COL4A3: variants seen among roughly 807,000 people sequenced by gnomAD.
The protein encoded by COL4A3 is collagen alpha-3(IV) chain.
In COL4A3, 135 loss-of-function variants were observed where a neutral mutation model predicts 217.4. The ratio of observed to expected loss-of-function variants is 0.62; its 90% confidence interval spans 0.54 to 0.72. COL4A3 has a LOEUF of 0.72. COL4A3 is among the 30% of genes least tolerant of loss of function. The pLI, the probability that COL4A3 is intolerant of heterozygous loss-of-function variation, is 0.00. For synonymous variants in COL4A3, 690 were observed against 736.3 expected (o/e 0.94, Z 1.02); for missense variants, 1,868 against 2,119.9 (o/e 0.88, Z 2.33).
intron 1 of COL4A3, among the ~76,000 whole-genome samples, chr2:227,200,206 C>T (rs960727464): frequency 6.6e-6 from 1 of 152,186 alleles, no homozygotes; most frequent in African/African-American, 2.4e-5. Flanking sequence ...TGTATCTTTA[C>T]ATAGTGTGTA....
At position 227,309,197 on chromosome 2, in the gene COL4A3, G is replaced by A. The variant is rs1414656936; in HGVS notation, c.4641-7G>A. The A allele has an allele frequency of 6.2e-7, 1 of 1,614,098 alleles. No homozygotes were observed. Among genetic ancestry groups the A allele is most frequent in the East Asian group, 2.2e-5 (1 of 44,888 alleles). On this transcript the variant is annotated splice_region_variant and splice_polypyrimidine_tract_variant and intron_variant, in intron 49 of 51. Transcript: ENST00000396578. Reference sequence around the variant, plus strand: ...AATGCCGCCATAGTCTTTGTTTCATGTTACAGATGCACTGTTTGTGAAGGT... The same window carrying A: ...AATGCCGCCATAGTCTTTGTTTCATATTACAGATGCACTGTTTGTGAAGGT...
At chr2:227,262,633 T>C (rs2070658377) in intron 20 of COL4A3, among the ~76,000 whole-genome samples, 1 of 152,214 alleles carries the variant, frequency 6.6e-6, no homozygotes, top group South Asian at 2.1e-4. Flanking sequence ...CTAGGTATTT[T>C]ATTGTGTGTG....
At chr2:227,175,753 A>G (rs536339618) in intron 1 of COL4A3, among the ~76,000 whole-genome samples, 28 of 152,298 alleles carry the variant, frequency 1.8e-4, no homozygotes, top group African/African-American at 6.7e-4. Context: ...TCTATGGTAT[A>G]ATTTTAATGT....
intron 39 of COL4A3, 59 bp from the exon 40 acceptor site, chr2:227,294,905 T>C: frequency 7.3e-7 from 1 of 1,363,468 alleles, no homozygotes. Flanking sequence ...TGGCAAGAAA[T>C]AAATCCTCTT....
In COL4A3 at chr2:227,297,941, C is replaced by G. The variant is rs939785435; in HGVS notation, c.3751+82C>G. ...AGTTTTCAACCTCCTCCTCATGTTA[C>G]CTTGTTGCTTCTTCTTTCCCTGTGG... is the stretch of plus-strand genomic sequence containing the variant. On this transcript the variant is annotated intron_variant, in intron 42 of 51. Coordinates refer to ENST00000396578, the MANE Select transcript of COL4A3 (RefSeq NM_000091.5). 4 of 1,421,888 alleles carry G rather than the reference C, an allele frequency of 2.8e-6. No individual in the cohort carries two copies. The African/African-American group carries it at 5.7e-5, about 20-fold the overall frequency. 88.1% of individuals were successfully genotyped at this position (1,421,888 alleles called of 1,614,324 possible).
In COL4A3 at chr2:227,307,786, G is replaced by A. The variant is rs778174094; in HGVS notation, c.4329G>A (p.Thr1443=). ...GTGGATCACCTGCAACCTGGACAAC[G>A]AGAGGCTTTGTCTTCACCCGACACA... ...GDSGSPATWT[T]RGFVFTRHSQ... Residue 1443 remains threonine (T), a synonymous_variant, in exon 48 of 52, where the codon ACG becomes ACA. Coordinates refer to ENST00000396578, the MANE Select transcript of COL4A3 (RefSeq NM_000091.5). The A allele has an allele frequency of 2.4e-5, 39 of 1,614,124 alleles. 2 individuals are homozygous for A. The Middle Eastern group carries it at 8.2e-4, about 34-fold the overall frequency.
In COL4A3 at chr2:227,285,658, A is replaced by G. The variant is rs114902341; in HGVS notation, c.2881+1313A>G. 2.0e-3 allele frequency among the ~76,000 whole-genome samples: 304 copies of G among 152,370 alleles called. 2 individuals are homozygous for G. The highest frequency in any genetic ancestry group is 0.017 in the Middle Eastern group (5 of 294). On this transcript the variant is annotated intron_variant, in intron 34 of 51. Transcript: ENST00000396578. The stretch of plus-strand genomic sequence containing the variant: ...ATATGAATAGCATATCTCTGCCTAC[A>G]TAAGCAGAAATTTGGCGCTCACAGT...
In COL4A3 at chr2:227,197,677, C is replaced by T. The variant is rs185463589; in HGVS notation, c.87+32864C>T. On this transcript the variant is annotated intron_variant, in intron 1 of 51. Coordinates refer to ENST00000396578, the MANE Select transcript of COL4A3 (RefSeq NM_000091.5). ...GGTTACCAGAAAGCATTTGGGAAAA[C>T]TTCCAGTCATTTCTCACAACACATA... Among the ~76,000 whole-genome samples, 265 of 152,252 alleles carry T rather than the reference C, an allele frequency of 1.7e-3. 2 individuals carry two copies. Among genetic ancestry groups the T allele is most frequent in the Admixed American group, 9.7e-3 (148 of 15,292 alleles).
chr2:227,311,081 C>A, intron 51 of COL4A3, 133 bp downstream of exon 51: 1 of 804,176 alleles, frequency 1.2e-6, no homozygotes, highest in Non-Finnish European at 2.1e-6. Flanking sequence ...TGGGTTTTGT[C>A]ATCACTAAAC....
rs1475469085 is a variant in COL4A3 at position 227,303,057 on chromosome 2, G to C, written c.3902G>C (p.Gly1301Ala). Reference sequence around the variant, plus strand: ...ATATAGGGAGCACCAGGTACTCCAGGTCTTCCAGGACCCAGAGGTGATCCT... The same window carrying C: ...ATATAGGGAGCACCAGGTACTCCAGCTCTTCCAGGACCCAGAGGTGATCCT... ...PGRLGAPGTP[G>A]LPGPRGDPGF... is the part of the protein sequence containing the mutation. The change falls in exon 44 of 52, where the codon GGT becomes GCT. Residue 1301 changes from glycine (G) to alanine (A), a missense_variant. This residue lies in a region of COL4A3 where 1,503 missense variants were observed against 1,786.1 expected (regional missense o/e 0.84). Transcript: ENST00000396578. 1 of 1,613,920 alleles carries C rather than the reference G, an allele frequency of 6.2e-7. No homozygotes were observed. The highest frequency in any genetic ancestry group is 1.1e-5 in the South Asian group (1 of 91,072).
intron 1 of COL4A3, among the ~76,000 whole-genome samples, chr2:227,168,874 CTTTTTTTTCT>C (rs1394005869): frequency 6.6e-6 from 1 of 150,484 alleles, no homozygotes; most frequent in African/African-American, 2.4e-5. Context: ...TTCTTTCCTT[CTTTTTTTTCT>C]TTTTTTTATT....
chr2:227,293,102 T>G, intron 37 of COL4A3, 89 bp from the exon 38 acceptor site: 12 of 1,551,452 alleles, frequency 7.7e-6, no homozygotes, highest in Non-Finnish European at 1.1e-5. Context: ...GATGAATGAA[T>G]GAAAAAATTA....
At chr2:227,290,359 G>T (rs754702726) in intron 36 of COL4A3, among the ~76,000 whole-genome samples, 1 of 152,168 alleles carries the variant, frequency 6.6e-6, no homozygotes, top group Non-Finnish European at 1.5e-5. Flanking sequence ...AAATAGCTGG[G>T]TGTGGTGGCA....
chr2:227,205,710 A>ATTTTTTT (rs398105402), intron 1 of COL4A3, among the ~76,000 whole-genome samples: 5,684 of 149,552 alleles, frequency 0.038, 130 homozygotes, highest in Non-Finnish European at 0.046. Flanking sequence ...TTCAACAAAT[A>ATTTTTTT]TTTTTTTTTT....
chr2:227,174,171 G>T (rs2065591874), intron 1 of COL4A3, among the ~76,000 whole-genome samples: 1 of 152,166 alleles, frequency 6.6e-6, no homozygotes, highest in Non-Finnish European at 1.5e-5. Context: ...AATTAGCATT[G>T]TAATTTGACA....
intron 1 of COL4A3, among the ~76,000 whole-genome samples, chr2:227,215,244 A>G (rs1489359996): frequency 1.3e-5 from 2 of 152,158 alleles, no homozygotes; most frequent in African/African-American, 4.8e-5. Context: ...TCAAAAAAGT[A>G]TAAAGTCAAA....
rs904619454 is a variant in COL4A3, at chr2:227,282,220, C to T, written c.2489-145C>T. On this transcript the variant is annotated intron_variant, in intron 31 of 51. Coordinates refer to ENST00000396578, the MANE Select transcript of COL4A3 (RefSeq NM_000091.5). The surrounding 1 kb of genome is among the most constrained non-coding windows in gnomAD (Gnocchi z 4.4). ...CAGGGAGGCGGAGGGTACAGTGAGCCGAAATCGCCCCACTGCAATCCAGCC... is the reference window on the plus strand; with the variant it reads ...CAGGGAGGCGGAGGGTACAGTGAGCTGAAATCGCCCCACTGCAATCCAGCC... The T allele has an allele frequency of 1.7e-5, 5 of 302,498 alleles. No individual in the cohort carries two copies. The highest frequency in any genetic ancestry group is 2.7e-5 in the Non-Finnish European group (5 of 183,546). 18.7% of individuals were successfully genotyped at this position (302,498 alleles called of 1,614,324 possible). A position where few individuals can be genotyped will look rare whatever the true frequency, so the allele number is the denominator to read the frequency against.
In COL4A3 at chr2:227,248,196, T is replaced by C. The variant is rs1183256981; in HGVS notation, c.469-247T>C. 5 of 411,822 alleles carry C rather than the reference T, an allele frequency of 1.2e-5. No individual in the cohort carries two copies. The Admixed American group carries it at 1.7e-4, about 14-fold the overall frequency. 25.5% of individuals were successfully genotyped at this position (411,822 alleles called of 1,614,324 possible). A position where few individuals can be genotyped will look rare whatever the true frequency, so the allele number is the denominator to read the frequency against. On this transcript the variant is annotated intron_variant, in intron 8 of 51. Coordinates refer to ENST00000396578, the MANE Select transcript of COL4A3 (RefSeq NM_000091.5). The stretch of plus-strand genomic sequence containing the variant: ...CTCGGGTGATCTGCCCGTTTTGATC[T>C]CCCAAAGTGCTGGGATTACAGGCAT...
intron 1 of COL4A3, among the ~76,000 whole-genome samples, chr2:227,203,260 C>T (rs1438798111): frequency 2.3e-5 from 1 of 44,332 alleles, no homozygotes; most frequent in East Asian, 4.6e-4. Flanking sequence ...TGTATATATA[C>T]ATATATGTGT....
Sources: allele counts gnomAD v4.1 joint callset (sites outside exome capture counted in the v4.1 genomes callset), GRCh38; gene constraint gnomAD v4.1.1; regional missense constraint gnomAD v4.1.1; non-coding constraint Gnocchi (gnomAD v3.1); transcripts MANE v1.5; gene names NCBI Gene and HGNC (gene_info 2026-07-23, HGNC 2026-07-21).